Variants in ADAMTS17 observed in about 807,000 individuals in gnomAD.
The protein encoded by ADAMTS17 is ADAM metallopeptidase with thrombospondin type 1 motif 17.
Under a neutral mutation model 141.5 loss-of-function variants are expected in ADAMTS17, and 113 were observed. That is an observed-to-expected ratio of 0.80 (90% CI 0.69 to 0.93). The LOEUF (loss-of-function observed/expected upper bound fraction) is 0.93. Ranked by LOEUF, ADAMTS17 falls within the 40% of genes least tolerant of loss-of-function variation. ADAMTS17 has a pLI of 0.00. For synonymous variants in ADAMTS17, 768 were observed against 630.6 expected, an observed-to-expected ratio of 1.22 and a Z score of -3.27; for missense variants, 1,659 against 1,517.9, an observed-to-expected ratio of 1.09 and a Z score of -1.54.
chr15:100,313,008 G>C (rs551234218), intron 3 of ADAMTS17, among the ~76,000 whole-genome samples: 1 of 152,202 alleles, frequency 6.6e-6, no homozygotes, highest in African/African-American at 2.4e-5. Flanking sequence ...CAATTTTCAC[G>C]GAAGAAAGGG....
In ADAMTS17 at chr15:100,341,938, G is replaced by T. The variant is rs765739064; in HGVS notation, c.-39C>A. On this transcript the variant is annotated 5_prime_UTR_variant, in exon 1 of 22. Coordinates refer to ENST00000268070, the MANE Select transcript of ADAMTS17 (RefSeq NM_139057.4). ...GGCAGCCCCCCCGGACCGTGGCGGC[G>T]AAGCAGGAGCGCGCTAGGCGGCGGC... is the stretch of plus-strand genomic sequence containing the variant. The T allele has an allele frequency of 3.4e-5, 53 of 1,546,848 alleles. No individual in the cohort carries two copies. The East Asian group carries it at 5.9e-4, about 17-fold the overall frequency.
intron 15 of ADAMTS17, among the ~76,000 whole-genome samples, chr15:100,069,940 C>CA (rs2033847053): frequency 1.3e-5 from 2 of 150,234 alleles, no homozygotes; most frequent in Admixed American, 1.3e-4. Context: ...TTAAAAGACA[C>CA]AGACTAGCAA....
chr15:99,992,196 C>G (rs1485188702), intron 20 of ADAMTS17, among the ~76,000 whole-genome samples: 1 of 152,058 alleles, frequency 6.6e-6, no homozygotes, highest in African/African-American at 2.4e-5. Flanking sequence ...AAAATGCTAG[C>G]CACTAATTCC....
At chr15:100,303,879 C>A (rs148538326) in intron 3 of ADAMTS17, among the ~76,000 whole-genome samples, 2 of 152,044 alleles carry the variant, frequency 1.3e-5, no homozygotes, top group Non-Finnish European at 2.9e-5. Context: ...CATGCCGCCA[C>A]GCCCGGCTAA....
chr15:99,972,536 C>CCT lies in ADAMTS17; in HGVS notation c.*1864_*1865dup, dbSNP rs2060232146. 6.6e-6 allele frequency: 1 copy of CCT among 152,168 alleles called. No individual in the cohort carries two copies. The highest frequency in any genetic ancestry group is 2.1e-4 in the South Asian group (1 of 4,828). The allele number at this position is 152,168 out of a possible 1,614,324, so 9.4% of individuals were successfully genotyped here. ...TCATTTGGGGATGAAGAAAATTGAA[C>CCT]CTCAGCGCCCCCAAAATTTTGAGGG... is the stretch of plus-strand genomic sequence containing the variant. On this transcript the variant is annotated 3_prime_UTR_variant, in exon 22 of 22. Coordinates refer to ENST00000268070, the MANE Select transcript of ADAMTS17 (RefSeq NM_139057.4).
chr15:100,293,155 G>T (rs1309085521), intron 3 of ADAMTS17, among the ~76,000 whole-genome samples: 1 of 152,170 alleles, frequency 6.6e-6, no homozygotes, highest in Non-Finnish European at 1.5e-5. Flanking sequence ...TTGGTCCAGG[G>T]AGAGTTATTA....
intron 12 of ADAMTS17, among the ~76,000 whole-genome samples, chr15:100,121,818 C>T (rs2037466948): frequency 6.6e-6 from 1 of 152,032 alleles, no homozygotes; most frequent in African/African-American, 2.4e-5. Flanking sequence ...GCCTGTGATG[C>T]ATTCCACCTC....
intron 15 of ADAMTS17, among the ~76,000 whole-genome samples, chr15:100,059,108 G>A (rs1326093422): frequency 6.6e-6 from 1 of 152,214 alleles, no homozygotes; most frequent in East Asian, 1.9e-4. Context: ...AGCTGTGGGG[G>A]CACTCCAACG....
chr15:100,299,402 G>A (rs924027484), intron 3 of ADAMTS17, among the ~76,000 whole-genome samples: 1 of 150,656 alleles, frequency 6.6e-6, no homozygotes, highest in African/African-American at 2.4e-5. Context: ...ACAAACGCCA[G>A]TACTTAGAAT....
At chr15:100,326,206 TA>T (rs1291763952) in intron 3 of ADAMTS17, among the ~76,000 whole-genome samples, 2 of 152,166 alleles carry the variant, frequency 1.3e-5, no homozygotes, top group Admixed American at 6.5e-5. Flanking sequence ...TATATGCAAA[TA>T]AATGTTTAAA....
intron 8 of ADAMTS17, among the ~76,000 whole-genome samples, chr15:100,195,613 C>CAAAA (rs71287815): frequency 2.9e-3 from 182 of 62,500 alleles, no homozygotes; most frequent in East Asian, 3.9e-3. Flanking sequence ...TGTTTGGTCT[C>CAAAA]AAAAAAAAAA....
intron 9 of ADAMTS17, 45 bp from the exon 10 acceptor site, chr15:100,152,807 G>T: frequency 6.2e-7 from 1 of 1,601,562 alleles, no homozygotes; most frequent in Non-Finnish European, 8.5e-7. Context: ...GTACTGCCTA[G>T]GTTTTTTTGT....
At chr15:100,135,168 T>C (rs1843777644) in intron 10 of ADAMTS17, among the ~76,000 whole-genome samples, 1 of 152,194 alleles carries the variant, frequency 6.6e-6, no homozygotes, top group African/African-American at 2.4e-5. Flanking sequence ...TCATGAAACT[T>C]TTCTAACCAT....
At chr15:100,233,601 G>A (rs1030643808) in intron 7 of ADAMTS17, among the ~76,000 whole-genome samples, 1 of 152,184 alleles carries the variant, frequency 6.6e-6, no homozygotes, top group Non-Finnish European at 1.5e-5. Flanking sequence ...GTGGGGGCGT[G>A]AAGATGCTGG....
intron 4 of ADAMTS17, among the ~76,000 whole-genome samples, chr15:100,279,297 T>C (rs1048960147): frequency 9.2e-5 from 14 of 152,190 alleles, no homozygotes; most frequent in African/African-American, 3.4e-4. Context: ...CACTTACCCC[T>C]GAGCTCCAGC....
rs537732580 is a variant in ADAMTS17, at chr15:100,110,555, C to T, written c.1889-1439G>A. ...CTGGGATTATAGAAGTGAGCCACCG[C>T]GCCCCGCAAGACTCAGTATATATTT... is the stretch of plus-strand genomic sequence containing the variant. On this transcript the variant is annotated intron_variant, in intron 13 of 21. Coordinates refer to ENST00000268070, the MANE Select transcript of ADAMTS17 (RefSeq NM_139057.4). Among the ~76,000 whole-genome samples the T allele has an allele frequency of 1.1e-4, 17 of 152,142 alleles. No homozygotes were observed. In the South Asian group the frequency reaches 2.5e-3, roughly 22 times the overall value.
chr15:100,310,220 C>T (rs2045358332), intron 3 of ADAMTS17, among the ~76,000 whole-genome samples: 3 of 152,124 alleles, frequency 2.0e-5, no homozygotes, highest in Admixed American at 1.3e-4. Flanking sequence ...TCAGATGATA[C>T]CCCCAGGGAC....
At chr15:100,148,892 T>G (rs1177038270) in intron 10 of ADAMTS17, among the ~76,000 whole-genome samples, 1 of 143,936 alleles carries the variant, frequency 6.9e-6, no homozygotes, top group East Asian at 2.1e-4. Flanking sequence ...GGGAGAAGAG[T>G]GGCAGGGAGG....
rs561466804 is a variant in ADAMTS17, at chr15:100,278,541, A to G, written c.789+2688T>C. 1.2e-3 allele frequency among the ~76,000 whole-genome samples: 178 copies of G among 152,120 alleles called. 1 individual carries two copies. The highest frequency in any genetic ancestry group is 3.2e-4 in the Non-Finnish European group (22 of 68,010). On this transcript the variant is annotated intron_variant, in intron 4 of 21. Coordinates refer to ENST00000268070, the MANE Select transcript of ADAMTS17 (RefSeq NM_139057.4). Reference sequence around the variant, plus strand: ...GCAGAAGAGCCTGGCATATGAGGAAACATGTGGGTCCAGCGGCTCGACATG... The same window carrying G: ...GCAGAAGAGCCTGGCATATGAGGAAGCATGTGGGTCCAGCGGCTCGACATG...
Sources: gnomAD v4.1 joint callset for allele counts (sites outside exome capture counted in the v4.1 genomes callset) on GRCh38, gnomAD v4.1.1 for gene constraint, MANE v1.5 for transcripts, NCBI Gene and HGNC (gene_info 2026-07-23, HGNC 2026-07-21) for gene names.